SLCO1C1: variants seen among roughly 807,000 people sequenced by gnomAD.
The protein encoded by SLCO1C1 is solute carrier organic anion transporter family member 1C1.
SLCO1C1 carries 70 observed loss-of-function variants against 76.4 expected under a neutral mutation model. The observed-to-expected ratio is 0.92, with a 90% confidence interval of 0.76 to 1.12. SLCO1C1 has a LOEUF of 1.12. SLCO1C1 is among the 50% of genes most tolerant of loss of function. SLCO1C1 has a pLI of 0.00. For missense variants in SLCO1C1, 912 were observed against 823.8 expected (o/e 1.11, Z -1.31); for synonymous variants, 306 against 286.1 (o/e 1.07, Z -0.70).
chr12:20,709,094 T>C (rs1334132587), intron 4 of SLCO1C1, among the ~76,000 whole-genome samples: 1 of 152,186 alleles, frequency 6.6e-6, no homozygotes, highest in Admixed American at 6.5e-5. Context: ...AGGAGGCTAC[T>C]GCAAAATTTC....
At position 20,743,345 on chromosome 12, in the gene SLCO1C1, T is replaced by C. The variant is rs1948904598; in HGVS notation, c.1774T>C (p.Tyr592His). Residue 592 changes from tyrosine to histidine, a missense_variant, in exon 13 of 15, where the codon TAC becomes CAC. Transcript: ENST00000266509. ...PQLKSFALGI[Y>H]TLAIRVLAGI... ...GCTTAAGTCTTTTGCCTTGGGTATC[T>C]ACACATTAGCAATAAGAGTTCTTGG... The C allele has an allele frequency of 6.2e-7, 1 of 1,613,110 alleles. No individual in the cohort carries two copies. The highest frequency in any genetic ancestry group is 2.2e-5 in the East Asian group (1 of 44,772).
intron 7 of SLCO1C1, among the ~76,000 whole-genome samples, 200 bp from the exon 8 acceptor site, chr12:20,721,604 T>C (rs773369917): frequency 2.6e-5 from 4 of 152,112 alleles, no homozygotes; most frequent in Admixed American, 6.5e-5. Flanking sequence ...ATTCACTTCA[T>C]TGTGGTGGTC....
chr12:20,727,018 T>C (rs2120791169), intron 9 of SLCO1C1, among the ~76,000 whole-genome samples: 1 of 152,328 alleles, frequency 6.6e-6, no homozygotes, highest in Non-Finnish European at 1.5e-5. Context: ...GCTCCATCTG[T>C]GTTGCTGCAA....
In SLCO1C1 at chr12:20,740,547, GA is replaced by G. The variant is rs201331067; in HGVS notation, c.1733+181del. On this transcript the variant is annotated intron_variant, in intron 12 of 14. Transcript: ENST00000266509. ...TGGGTATTTATACAAAAATGTGGCT[GA>G]ATAGAAGTTTTCTTAGTTAAAAATG... Among the ~76,000 whole-genome samples the G allele has an allele frequency of 9.3e-3, 1,413 of 151,748 alleles. 16 individuals carry two copies. The highest frequency in any genetic ancestry group is 0.031 in the African/African-American group (1,296 of 41,390).
At chr12:20,699,510 G>T (rs67884336) in intron 1 of SLCO1C1, 42 bp from the exon 2 acceptor site, 11 of 1,402,270 alleles carry the variant, frequency 7.8e-6, no homozygotes, top group Non-Finnish European at 1.0e-5. Flanking sequence ...AATAAATTGC[G>T]TAGTATTTAT....
intron 4 of SLCO1C1, among the ~76,000 whole-genome samples, chr12:20,708,535 C>T (rs1036329680): frequency 3.9e-5 from 6 of 151,952 alleles, no homozygotes; most frequent in African/African-American, 1.5e-4. Flanking sequence ...GGGTAGTCAA[C>T]GTATGGCTCA....
At chr12:20,714,696 T>C (rs1039140928) in intron 5 of SLCO1C1, among the ~76,000 whole-genome samples, 7 of 152,198 alleles carry the variant, frequency 4.6e-5, no homozygotes, top group African/African-American at 1.7e-4. Context: ...AACAATAAGA[T>C]TACTTATGAT....
chr12:20,733,461 C>G (rs1948391836), intron 10 of SLCO1C1, among the ~76,000 whole-genome samples: 1 of 152,104 alleles, frequency 6.6e-6, no homozygotes, highest in Non-Finnish European at 1.5e-5. Context: ...TTCAATTTTC[C>G]CATCTTAAAA....
At chr12:20,722,076 A>C in intron 8 of SLCO1C1, 27 bp downstream of exon 8, 1 of 1,600,688 alleles carries the variant, frequency 6.2e-7, no homozygotes, top group South Asian at 1.1e-5. Context: ...ATTTTGAAGT[A>C]TTTTCATTTT....
At chr12:20,707,097 C>CT (rs1946817256) in intron 4 of SLCO1C1, among the ~76,000 whole-genome samples, 2 of 152,048 alleles carry the variant, frequency 1.3e-5, no homozygotes, top group African/African-American at 4.8e-5. Context: ...TCAGAATTCT[C>CT]TGAGTGGGAG....
rs1194678714 is a variant in SLCO1C1 at position 20,722,050 on chromosome 12, G to T, written c.1021+1G>T. The T allele has an allele frequency of 6.2e-7, 1 of 1,610,812 alleles. No homozygotes were observed. Among genetic ancestry groups the T allele is most frequent in the Non-Finnish European group, 8.5e-7 (1 of 1,178,704 alleles). ...GCAAAAATAATGGAAATGGCAAGAG[G>T]TAAGTCAAATTCTTGATTTTGAAGT... On this transcript the variant is annotated splice_donor_variant, in intron 8 of 14. Transcript: ENST00000266509. LOFTEE classifies it high-confidence loss of function.
intron 5 of SLCO1C1, 112 bp downstream of exon 5, chr12:20,711,622 T>C: frequency 9.3e-7 from 1 of 1,076,776 alleles, no homozygotes; most frequent in South Asian, 1.6e-5. Flanking sequence ...CTTTACTACT[T>C]AAATTGAGAT....
At chr12:20,698,749 T>C (rs901631281) in intron 1 of SLCO1C1, among the ~76,000 whole-genome samples, 1 of 152,066 alleles carries the variant, frequency 6.6e-6, no homozygotes, top group African/African-American at 2.4e-5. Context: ...ACTTTGTTTG[T>C]TGAATTCCTT....
At chr12:20,725,776 T>G (rs1947951716) in intron 9 of SLCO1C1, among the ~76,000 whole-genome samples, 1 of 151,842 alleles carries the variant, frequency 6.6e-6, no homozygotes. Context: ...CGTAAGAGCA[T>G]TCCAGTTGCC....
At chr12:20,723,959 T>G (rs543722460) in intron 9 of SLCO1C1, among the ~76,000 whole-genome samples, 23 of 152,234 alleles carry the variant, frequency 1.5e-4, no homozygotes, top group African/African-American at 5.5e-4. Context: ...CAGTCTATAT[T>G]TCTACCTCTG....
intron 13 of SLCO1C1, among the ~76,000 whole-genome samples, chr12:20,748,365 C>A (rs567928818): frequency 2.6e-5 from 4 of 152,230 alleles, no homozygotes; most frequent in African/African-American, 9.6e-5. Flanking sequence ...TCTGAGCATA[C>A]AAATATTTTG....
chr12:20,737,345 A>T, intron 11 of SLCO1C1, 73 bp downstream of exon 11: 1 of 1,425,996 alleles, frequency 7.0e-7, no homozygotes, highest in Non-Finnish European at 9.3e-7. Context: ...ATGGGGGCTC[A>T]CAGCAGACCA....
rs559872009 is a variant in SLCO1C1, at chr12:20,708,002, C to T, written c.404+1921C>T. Among the ~76,000 whole-genome samples the T allele has an allele frequency of 9.2e-5, 14 of 152,140 alleles. No individual in the cohort carries two copies. In the South Asian group the frequency reaches 2.5e-3, roughly 27 times the overall value. On this transcript the variant is annotated intron_variant, in intron 4 of 14. Transcript: ENST00000266509. ...ATGCCAGGTAAAGGAGCTATTTCTGCGAGAAAACAAAATAGAACAAAAACA... is the reference window on the plus strand; with the variant it reads ...ATGCCAGGTAAAGGAGCTATTTCTGTGAGAAAACAAAATAGAACAAAAACA...
rs145524055 is a variant in SLCO1C1, at chr12:20,711,395, T to C, written c.414T>C (p.Tyr138=). The stretch of plus-strand genomic sequence containing the variant: ...CATTCCTCTTATGCAGGTACAAATA[T>C]GAGAGATATTCTCCTTCCTCCAATT... ...MPQFFMEQYK[Y]ERYSPSSNST... is the part of the protein sequence containing the mutation. Residue 138 remains tyrosine (Y), a synonymous_variant, in exon 5 of 15, where the codon TAT becomes TAC. Coordinates refer to ENST00000266509, the MANE Select transcript of SLCO1C1 (RefSeq NM_017435.5). The C allele has an allele frequency of 2.5e-6, 4 of 1,612,526 alleles. No individual in the cohort carries two copies. The highest frequency in any genetic ancestry group is 3.3e-5 in the Admixed American group (2 of 59,806).
Sources: allele counts gnomAD v4.1 joint callset (sites outside exome capture counted in the v4.1 genomes callset), GRCh38; gene constraint gnomAD v4.1.1; transcripts MANE v1.5; gene names NCBI Gene and HGNC (gene_info 2026-07-23, HGNC 2026-07-21).